The following PGCKA1 variants were observed in gnomAD, a reference collection of about 807,000 sequenced individuals.
PGCKA1 encodes PDCD10 and GCKIII kinases associated 1, also known as PDCD10 and GCKIII kinases-associated protein 1.
At chr4:37,582,297 C>T in the PGCKA1 span, among the ~76,000 whole-genome samples, 1 of 151,706 alleles carries the variant, frequency 6.6e-6, no homozygotes, top group South Asian at 2.1e-4. Context: ...TTTGGTGTTC[C>T]TGTGGGGCAA....
At chr4:37,550,119 T>A in the PGCKA1 span, among the ~76,000 whole-genome samples, 3 of 152,152 alleles carry the variant, frequency 2.0e-5, no homozygotes, top group Non-Finnish European at 4.4e-5. Flanking sequence ...GTACCAAGTA[T>A]GTAATCCAGG....
At chr4:37,513,837 G>A in the PGCKA1 span, among the ~76,000 whole-genome samples, 1 of 152,218 alleles carries the variant, frequency 6.6e-6, no homozygotes, top group African/African-American at 2.4e-5. Context: ...TATCTGTAGG[G>A]AGTAAAGGAT....
the PGCKA1 span, among the ~76,000 whole-genome samples, chr4:37,488,700 C>T: frequency 6.6e-6 from 1 of 152,168 alleles, no homozygotes; most frequent in African/African-American, 2.4e-5. Flanking sequence ...TCTCCCCTCC[C>T]ATGCTCACAA....
the PGCKA1 span, among the ~76,000 whole-genome samples, chr4:37,516,437 A>G: frequency 6.6e-6 from 1 of 152,234 alleles, no homozygotes; most frequent in Non-Finnish European, 1.5e-5. Context: ...TCTTTGCATA[A>G]TACACATACA....
the PGCKA1 span, among the ~76,000 whole-genome samples, chr4:37,592,315 A>T: frequency 6.7e-6 from 1 of 149,510 alleles, no homozygotes; most frequent in South Asian, 2.1e-4. Context: ...CAGGAATTCG[A>T]GACCAACCTG....
At chr4:37,483,787 C>T in the PGCKA1 span, among the ~76,000 whole-genome samples, 1 of 152,176 alleles carries the variant, frequency 6.6e-6, no homozygotes, top group Non-Finnish European at 1.5e-5. Context: ...TGCTCTGCTT[C>T]CCTGTGCCAG....
the PGCKA1 span, among the ~76,000 whole-genome samples, chr4:37,553,631 G>A: frequency 6.6e-6 from 1 of 152,186 alleles, no homozygotes; most frequent in Non-Finnish European, 1.5e-5. Context: ...ATGTGCCAAT[G>A]ATTGCTAGAT....
chr4:37,559,338 G>A, the PGCKA1 span, among the ~76,000 whole-genome samples: 41 of 134,494 alleles, frequency 3.0e-4, no homozygotes, highest in East Asian at 7.3e-3. Context: ...GTAAACTATC[G>A]CAAGAACAAA....
chr4:37,470,565 A>G, the PGCKA1 span, among the ~76,000 whole-genome samples: 3 of 152,314 alleles, frequency 2.0e-5, no homozygotes, highest in East Asian at 5.8e-4. Context: ...TTGCAAATGC[A>G]TGAATTTTCT....
chr4:37,489,063 A>G, the PGCKA1 span, among the ~76,000 whole-genome samples: 2 of 152,208 alleles, frequency 1.3e-5, no homozygotes, highest in Non-Finnish European at 2.9e-5. Context: ...ATTTTGGTAT[A>G]CGCAGAGGTC....
the PGCKA1 span, among the ~76,000 whole-genome samples, chr4:37,574,439 TTTTTA>T: frequency 0.074 from 11,248 of 152,116 alleles, 1,056 homozygotes; most frequent in African/African-American, 0.22. Context: ...ACTTCATTTA[TTTTTA>T]TTTTAAGTTT....
At chr4:37,590,524 G>T in the PGCKA1 span, 1 of 1,614,212 alleles carries the variant, frequency 6.2e-7, no homozygotes, top group East Asian at 2.2e-5. Context: ...AGGGACCCAA[G>T]TCATGAGAAA....
the PGCKA1 span, among the ~76,000 whole-genome samples, chr4:37,493,563 A>G: frequency 3.3e-5 from 5 of 152,238 alleles, no homozygotes; most frequent in Non-Finnish European, 4.4e-5. Flanking sequence ...ATAGGAGACT[A>G]TATTTCATTT....
chr4:37,526,475 A>G, the PGCKA1 span, among the ~76,000 whole-genome samples: 1 of 152,148 alleles, frequency 6.6e-6, no homozygotes, highest in Non-Finnish European at 1.5e-5. Flanking sequence ...TTTTGTGTAG[A>G]TTTTCTCATA....
At chr4:37,474,375 A>ATT in the PGCKA1 span, among the ~76,000 whole-genome samples, 51 of 152,120 alleles carry the variant, frequency 3.4e-4, no homozygotes, top group Non-Finnish European at 6.0e-4. Flanking sequence ...AATCTCTGTT[A>ATT]TTTATAAATT....
chr4:37,459,699 T>C, the PGCKA1 span, among the ~76,000 whole-genome samples: 1 of 152,008 alleles, frequency 6.6e-6, no homozygotes, highest in Non-Finnish European at 1.5e-5. Flanking sequence ...ATCTCCCAGA[T>C]GATTGCATAA....
At chr4:37,554,178 T>G in the PGCKA1 span, among the ~76,000 whole-genome samples, 1 of 152,164 alleles carries the variant, frequency 6.6e-6, no homozygotes, top group Non-Finnish European at 1.5e-5. Context: ...ACATGTAAGA[T>G]GTGCCTTTGC....
At chr4:37,490,552 A>C in the PGCKA1 span, among the ~76,000 whole-genome samples, 1 of 152,200 alleles carries the variant, frequency 6.6e-6, no homozygotes, top group Non-Finnish European at 1.5e-5. Flanking sequence ...TCATGGAGAC[A>C]GGTAAATATT....
At chr4:37,462,418 A>G in the PGCKA1 span, among the ~76,000 whole-genome samples, 1 of 152,186 alleles carries the variant, frequency 6.6e-6, no homozygotes, top group South Asian at 2.1e-4. Context: ...TTTGGAGGAG[A>G]TTATCAAACT....
Sources: gnomAD v4.1 joint callset for allele counts (sites outside exome capture counted in the v4.1 genomes callset) on GRCh38, gnomAD v4.1.1 for gene constraint, MANE v1.5 for transcripts, NCBI Gene and HGNC (gene_info 2026-07-23, HGNC 2026-07-21) for gene names.